The following BAIAP2L1 variants were observed in gnomAD, a reference collection of about 807,000 sequenced individuals.
BAIAP2L1 encodes BAR/IMD domain containing adaptor protein 2 like 1, also known as BAR/IMD domain-containing adapter protein 2-like 1.
In BAIAP2L1, 35 loss-of-function variants were observed where a neutral mutation model predicts 66.3. That is an observed-to-expected ratio of 0.53 (90% CI 0.40 to 0.70). The LOEUF is 0.70. Ranked by LOEUF, BAIAP2L1 falls within the 30% of genes least tolerant of loss-of-function variation. The pLI is 0.00. For synonymous variants in BAIAP2L1, 269 were observed against 248.7 expected, an observed-to-expected ratio of 1.08 and a Z score of -0.77; for missense variants, 622 against 656.9, an observed-to-expected ratio of 0.95 and a Z score of 0.58.
intron 7 of BAIAP2L1, among the ~76,000 whole-genome samples, chr7:98,314,318 A>G (rs1158790635): frequency 1.3e-5 from 2 of 152,164 alleles, no homozygotes; most frequent in Non-Finnish European, 2.9e-5. Context: ...AGTTTATAGA[A>G]AATACAACAT....
At chr7:98,367,433 C>T (rs935429314) in intron 1 of BAIAP2L1, among the ~76,000 whole-genome samples, 6 of 151,838 alleles carry the variant, frequency 4.0e-5, no homozygotes, top group Non-Finnish European at 7.4e-5. Flanking sequence ...TGCAGTGGTA[C>T]GATCTCAGCT....
intron 3 of BAIAP2L1, among the ~76,000 whole-genome samples, chr7:98,332,133 G>A (rs1286098028): frequency 1.3e-5 from 2 of 151,624 alleles, no homozygotes; most frequent in African/African-American, 4.9e-5. Flanking sequence ...TGTAATTCCA[G>A]CACTTTTGGG....
chr7:98,395,595 T>G (rs1459087662), intron 1 of BAIAP2L1, among the ~76,000 whole-genome samples: 1 of 152,290 alleles, frequency 6.6e-6, no homozygotes, highest in African/African-American at 2.4e-5. Flanking sequence ...TAGTGAGCTA[T>G]GTATACTTAA....
chr7:98,367,354 G>T (rs1802408567), intron 1 of BAIAP2L1, among the ~76,000 whole-genome samples: 1 of 151,806 alleles, frequency 6.6e-6, no homozygotes, highest in Admixed American at 6.6e-5. Flanking sequence ...ACTCATTTTT[G>T]GGGGAAGGTT....
chr7:98,374,244 T>G (rs1802572615), intron 1 of BAIAP2L1, among the ~76,000 whole-genome samples: 2 of 152,214 alleles, frequency 1.3e-5, no homozygotes, highest in Admixed American at 6.6e-5. Flanking sequence ...CCACCACATC[T>G]GGCCCTAGAA....
rs547577939 is a variant in BAIAP2L1, at chr7:98,335,681, A to G, written c.215-15383T>C. Among the ~76,000 whole-genome samples the G allele has an allele frequency of 2.4e-3, 363 of 152,314 alleles. 2 individuals are homozygous for G. Among genetic ancestry groups the G allele is most frequent in the South Asian group, 9.3e-3 (45 of 4,820 alleles). On this transcript the variant is annotated intron_variant, in intron 3 of 13. Transcript: ENST00000005260. Reference sequence around the variant, plus strand: ...ATTCTCACATCCTTGCCTCACCAGAAATTTATAACTGAGGCAGGCAGCAGT... The same window carrying G: ...ATTCTCACATCCTTGCCTCACCAGAGATTTATAACTGAGGCAGGCAGCAGT...
intron 1 of BAIAP2L1, among the ~76,000 whole-genome samples, chr7:98,394,258 C>CAAACAAACAAACA (rs939365257): frequency 6.6e-6 from 1 of 151,754 alleles, no homozygotes; most frequent in African/African-American, 2.4e-5. Flanking sequence ...AACAAACAAA[C>CAAACAAACAAACA]AAAAAAACCC....
At position 98,299,646 on chromosome 7, in the gene BAIAP2L1, C is replaced by T. The variant is rs749282911; in HGVS notation, c.1422+4550G>A. ...AGCAGGGATCACAGGTGTGAGCCAC[C>T]GTGCCCAGCTAGAGCAAGTTTTTAA... On this transcript the variant is annotated intron_variant, in intron 12 of 13. Coordinates refer to ENST00000005260, the MANE Select transcript of BAIAP2L1 (RefSeq NM_018842.5). Among the ~76,000 whole-genome samples the T allele has an allele frequency of 2.0e-5, 3 of 152,208 alleles. No homozygotes were observed. The South Asian group carries it at 6.2e-4, about 32-fold the overall frequency.
chr7:98,385,285 G>A (rs1418946912), intron 1 of BAIAP2L1, among the ~76,000 whole-genome samples: 1 of 151,990 alleles, frequency 6.6e-6, no homozygotes, highest in African/African-American at 2.4e-5. Context: ...CTCCAGCCTG[G>A]GTGACAGAGC....
intron 1 of BAIAP2L1, among the ~76,000 whole-genome samples, chr7:98,374,765 A>AAAAAT (rs1391303161): frequency 2.0e-5 from 3 of 152,186 alleles, no homozygotes; most frequent in Non-Finnish European, 4.4e-5. Flanking sequence ...TTCCCATAAA[A>AAAAAT]AAAATAAAAT....
intron 3 of BAIAP2L1, among the ~76,000 whole-genome samples, chr7:98,336,144 G>A (rs896250607): frequency 6.6e-6 from 1 of 151,794 alleles, no homozygotes; most frequent in African/African-American, 2.4e-5. Flanking sequence ...GGGACTATGA[G>A]GGGGGGTGGG....
intron 1 of BAIAP2L1, among the ~76,000 whole-genome samples, chr7:98,393,278 G>A (rs1256805980): frequency 1.3e-5 from 2 of 151,716 alleles, no homozygotes; most frequent in Non-Finnish European, 1.5e-5. Context: ...CTGACCTCAG[G>A]TGATCCATCC....
At chr7:98,321,758 G>A (rs1207930080) in intron 3 of BAIAP2L1, among the ~76,000 whole-genome samples, 1 of 152,150 alleles carries the variant, frequency 6.6e-6, no homozygotes, top group Non-Finnish European at 1.5e-5. Context: ...CCGACCAACA[G>A]CAAGATGTGC....
intron 1 of BAIAP2L1, among the ~76,000 whole-genome samples, chr7:98,378,925 G>A (rs989465230): frequency 2.6e-5 from 4 of 152,160 alleles, no homozygotes; most frequent in African/African-American, 9.7e-5. Flanking sequence ...CCGCCTCCCG[G>A]TTCAAGCAAT....
chr7:98,379,841 A>T (rs1409152870), intron 1 of BAIAP2L1, among the ~76,000 whole-genome samples: 1 of 152,210 alleles, frequency 6.6e-6, no homozygotes, highest in Non-Finnish European at 1.5e-5. Flanking sequence ...CTATTTACAA[A>T]AAGTACAGAA....
At chr7:98,322,800 CA>C (rs1426448696) in intron 3 of BAIAP2L1, 2 of 152,380 alleles carry the variant, frequency 1.3e-5, no homozygotes, top group African/African-American at 2.4e-5. Flanking sequence ...ACCTTCCTCA[CA>C]GATGCCAGGG....
chr7:98,331,604 G>A (rs1361818264), intron 3 of BAIAP2L1, among the ~76,000 whole-genome samples: 1 of 151,776 alleles, frequency 6.6e-6, no homozygotes, highest in African/African-American at 2.4e-5. Flanking sequence ...GAGTAGCTGG[G>A]ATTACAGGCA....
rs540366174 is a variant in BAIAP2L1, at chr7:98,386,282, T to C, written c.51+14520A>G. On this transcript the variant is annotated intron_variant, in intron 1 of 13. Transcript: ENST00000005260. ...CACATTTTGTCACGGGTAAGATCCA[T>C]GCCATGGAAGTTAGGCAGTTTTTAC... 204 of 1,596,434 alleles carry C rather than the reference T, an allele frequency of 1.3e-4. No homozygotes were observed. In the African/African-American group the frequency reaches 2.2e-3, roughly 17 times the overall value.
At chr7:98,390,188 T>C (rs1489678388) in intron 1 of BAIAP2L1, among the ~76,000 whole-genome samples, 1 of 151,798 alleles carries the variant, frequency 6.6e-6, no homozygotes, top group Non-Finnish European at 1.5e-5. Context: ...GTGCTGGGAT[T>C]ACAGGCATGA....
Sources: gnomAD v4.1 joint callset for allele counts (sites outside exome capture counted in the v4.1 genomes callset) on GRCh38, gnomAD v4.1.1 for gene constraint, MANE v1.5 for transcripts, NCBI Gene and HGNC (gene_info 2026-07-23, HGNC 2026-07-21) for gene names.